Variants in IRS1 observed in about 807,000 individuals in gnomAD.
IRS1 encodes insulin receptor substrate 1.
A neutral mutation model predicts 65.6 loss-of-function variants in IRS1; 34 were observed. The observed-to-expected ratio is 0.52, with a 90% CI of 0.39 to 0.69. The LOEUF (loss-of-function observed/expected upper bound fraction) is 0.69, where lower values mean the gene tolerates loss of function less well. Ranked by LOEUF, IRS1 falls within the 30% of genes least tolerant of loss-of-function variation. The probability of loss-of-function intolerance (pLI) is 0.00; values close to 1 mark genes in which losing one functional copy is unlikely to be tolerated. For synonymous variants in IRS1, 699 were observed against 683.5 expected, an observed-to-expected ratio of 1.02 and a Z score of -0.35; for missense variants, 1,641 against 1,720.2, an observed-to-expected ratio of 0.95 and a Z score of 0.81.
In IRS1 at chr2:226,798,452, G is replaced by T; in HGVS notation, c.287C>A (p.Ala96Glu). 6.2e-7 allele frequency: 1 copy of T among 1,614,138 alleles called. No individual in the cohort carries two copies. The highest frequency in any genetic ancestry group is 8.5e-7 in the Non-Finnish European group (1 of 1,180,028). ...GTCTTGCTCGGCCTCGCTGTCCGCC[G>T]CGATGGCAAAGTGCTCGTCCCGGGT... The part of the protein sequence containing the change: ...LYTRDEHFAI[A>E]ADSEAEQDSW... The change falls in exon 1 of 2, where the codon GCG becomes GAG. Residue 96 changes from alanine (A) to glutamate (E), a missense_variant. Ala to Glu is a moderately radical substitution (Grantham distance 107). Transcript: ENST00000305123. This position sits in a 1 kb window ranked among gnomAD's most constrained non-coding sequence, Gnocchi z 9.4.
At chr2:226,737,012 T>C (rs1938338574) in intron 1 of IRS1, among the ~76,000 whole-genome samples, 1 of 151,914 alleles carries the variant, frequency 6.6e-6, no homozygotes, top group East Asian at 1.9e-4. Flanking sequence ...TACATACGTA[T>C]ACATGTGCCA....
At chr2:226,748,199 G>A (rs1938594416) in intron 1 of IRS1, among the ~76,000 whole-genome samples, 1 of 151,170 alleles carries the variant, frequency 6.6e-6, no homozygotes, top group African/African-American at 2.4e-5. Flanking sequence ...AGGCCAAGGA[G>A]GGCAGATCAC....
At chr2:226,752,730 C>A (rs1188620142) in intron 1 of IRS1, among the ~76,000 whole-genome samples, 1 of 152,208 alleles carries the variant, frequency 6.6e-6, no homozygotes, top group African/African-American at 2.4e-5. Context: ...ATATGGGATA[C>A]AATGAGAATG....
chr2:226,782,435 T>C (rs781344664), intron 1 of IRS1, among the ~76,000 whole-genome samples: 2 of 152,180 alleles, frequency 1.3e-5, no homozygotes, highest in Non-Finnish European at 2.9e-5. Flanking sequence ...AACTTTGTGT[T>C]ACCCAAATCT....
chr2:226,745,872 A>G (rs555164846), intron 1 of IRS1, among the ~76,000 whole-genome samples: 2 of 152,356 alleles, frequency 1.3e-5, no homozygotes, highest in South Asian at 2.1e-4. Flanking sequence ...ATGAGGATGC[A>G]TCTTGCGAAG....
intron 1 of IRS1, among the ~76,000 whole-genome samples, chr2:226,737,360 G>T (rs551680020): frequency 1.5e-4 from 23 of 151,998 alleles, no homozygotes; most frequent in African/African-American, 5.6e-4. Context: ...CATTTGGGTT[G>T]GTTCCTTTTC....
chr2:226,774,649 C>T (rs1487578240), intron 1 of IRS1, among the ~76,000 whole-genome samples: 2 of 152,150 alleles, frequency 1.3e-5, no homozygotes, highest in African/African-American at 2.4e-5. Context: ...AAAGCTGAGA[C>T]CTGACTTCAC....
chr2:226,770,701 T>C (rs1193813118), intron 1 of IRS1, among the ~76,000 whole-genome samples: 5 of 152,234 alleles, frequency 3.3e-5, no homozygotes, highest in Non-Finnish European at 2.9e-5. Context: ...TGATGTAGTA[T>C]AGCATGGGAG....
Position 226,735,987 on chromosome 2 carries a change from T to C in IRS1, c.*285A>G, listed in dbSNP as rs1375327853. ...CATCAGCTCACTGTGGCCAGCTAAGTCCTTAAGGTTGAAGATGAAGTTTAT... is the reference window on the plus strand; with the variant it reads ...CATCAGCTCACTGTGGCCAGCTAAGCCCTTAAGGTTGAAGATGAAGTTTAT... On this transcript the variant is annotated 3_prime_UTR_variant, in exon 2 of 2. Coordinates refer to ENST00000305123, the MANE Select transcript of IRS1 (RefSeq NM_005544.3). The C allele has an allele frequency of 2.6e-5, 4 of 152,440 alleles. No individual in the cohort carries two copies. Among genetic ancestry groups the C allele is most frequent in the Non-Finnish European group, 5.9e-5 (4 of 68,018 alleles). 9.4% of individuals were successfully genotyped at this position (152,440 alleles called of 1,614,324 possible).
At chr2:226,755,411 A>G (rs764763468) in intron 1 of IRS1, among the ~76,000 whole-genome samples, 3 of 152,238 alleles carry the variant, frequency 2.0e-5, no homozygotes, top group African/African-American at 7.2e-5. Context: ...TACAGTTTAC[A>G]TATAAACAGA....
At chr2:226,792,521 G>A (rs1939632251) in intron 1 of IRS1, 1 of 152,368 alleles carries the variant, frequency 6.6e-6, no homozygotes, top group Non-Finnish European at 1.5e-5. Flanking sequence ...AGGGCAGGCA[G>A]AAAAGGTCAC....
At chr2:226,756,959 TAATAAATAAATAAATAAATAAATA>T (rs71036150) in intron 1 of IRS1, among the ~76,000 whole-genome samples, 1 of 145,164 alleles carries the variant, frequency 6.9e-6, no homozygotes, top group African/African-American at 2.5e-5. Flanking sequence ...AGACTCCGTC[TAATAAATAAATAAATAAATAAATA>T]AATAAATAAA....
At chr2:226,791,055 CT>C (rs1008584462) in intron 1 of IRS1, among the ~76,000 whole-genome samples, 1 of 152,226 alleles carries the variant, frequency 6.6e-6, no homozygotes, top group African/African-American at 2.4e-5. Context: ...TTTCATTTCG[CT>C]GTGAGCTCCC....
At chr2:226,773,540 A>G (rs1477511780) in intron 1 of IRS1, among the ~76,000 whole-genome samples, 1 of 152,156 alleles carries the variant, frequency 6.6e-6, no homozygotes, top group Non-Finnish European at 1.5e-5. Flanking sequence ...GGTGAGAGAG[A>G]AAGAAAAATC....
At chr2:226,769,681 G>A (rs1939126715) in intron 1 of IRS1, among the ~76,000 whole-genome samples, 1 of 152,222 alleles carries the variant, frequency 6.6e-6, no homozygotes, top group Non-Finnish European at 1.5e-5. Context: ...TAGTAGGAAT[G>A]AGGCAGATAA....
intron 1 of IRS1, among the ~76,000 whole-genome samples, chr2:226,777,567 T>C (rs894528694): frequency 1.3e-5 from 2 of 152,188 alleles, no homozygotes; most frequent in Non-Finnish European, 2.9e-5. Context: ...CCAAATCTCA[T>C]CTTGTAGCTC....
Position 226,786,670 on chromosome 2 carries a change from A to C in IRS1, c.*21+8319T>G, listed in dbSNP as rs1032429181. Among the ~76,000 whole-genome samples, 38 of 151,518 alleles carry C rather than the reference A, an allele frequency of 2.5e-4. No homozygotes were observed. The East Asian group carries it at 5.2e-3, about 21-fold the overall frequency. On this transcript the variant is annotated intron_variant, in intron 1 of 1. Coordinates refer to ENST00000305123, the MANE Select transcript of IRS1 (RefSeq NM_005544.3). ...AAAAAAACAAAAACAACAACAACAAAAAAAAACCAAAAAAAATTGGAAACT... is the reference window on the plus strand; with the variant it reads ...AAAAAAACAAAAACAACAACAACAACAAAAAACCAAAAAAAATTGGAAACT...
intron 1 of IRS1, among the ~76,000 whole-genome samples, chr2:226,749,359 A>T (rs531489462): frequency 6.6e-6 from 1 of 152,252 alleles, no homozygotes; most frequent in African/African-American, 2.4e-5. Context: ...CCCAACCAGC[A>T]GCAATACTCA....
intron 1 of IRS1, among the ~76,000 whole-genome samples, chr2:226,751,177 G>A (rs1014232467): frequency 6.6e-6 from 1 of 151,800 alleles, no homozygotes; most frequent in Non-Finnish European, 1.5e-5. Context: ...AACTTCTGCC[G>A]CCAGGGCTCT....
Sources: gnomAD v4.1 joint callset for allele counts (sites outside exome capture counted in the v4.1 genomes callset) on GRCh38, gnomAD v4.1.1 for gene constraint, Gnocchi (gnomAD v3.1) non-coding constraint, MANE v1.5 for transcripts, NCBI Gene and HGNC (gene_info 2026-07-23, HGNC 2026-07-21) for gene names.